Variants in ITGB5 observed in about 807,000 individuals in gnomAD.
ITGB5 encodes the protein integrin subunit beta 5, also known as integrin beta-5.
In ITGB5, 38 loss-of-function variants were observed where a neutral mutation model predicts 84.8. The observed-to-expected ratio is 0.45, with a 90% CI of 0.35 to 0.59. ITGB5 has a LOEUF of 0.59. Ranked by LOEUF, ITGB5 falls within the 20% of genes least tolerant of loss-of-function variation. The probability of loss-of-function intolerance (pLI) is 0.01; values close to 1 mark genes in which losing one functional copy is unlikely to be tolerated. For synonymous variants in ITGB5, 393 were observed against 414.4 expected (o/e 0.95, Z 0.63); for missense variants, 905 against 1,034.5 (o/e 0.87, Z 1.72).
chr3:124,800,550 C>A (rs1327177534), intron 9 of ITGB5, among the ~76,000 whole-genome samples: 1 of 152,062 alleles, frequency 6.6e-6, no homozygotes, highest in Non-Finnish European at 1.5e-5. Flanking sequence ...CCCAGCCAAG[C>A]CTTCGGTCCA....
intron 9 of ITGB5, among the ~76,000 whole-genome samples, chr3:124,798,216 C>T (rs1435950987): frequency 6.6e-6 from 1 of 151,816 alleles, no homozygotes; most frequent in African/African-American, 2.4e-5. Context: ...CCACACGCAG[C>T]TAATTTTTGT....
Position 124,817,708 on chromosome 3 carries a change from A to T in ITGB5, c.1041T>A (p.Asn347Lys). 1 of 1,573,564 alleles carries T rather than the reference A, an allele frequency of 6.4e-7. No homozygotes were observed. The highest frequency in any genetic ancestry group is 8.7e-7 in the Non-Finnish European group (1 of 1,154,574). ...VTKNHYMLYK[N>K]FTALIPGTTV... ...TTGTTCCAGGTATCAGGGCTGTAAA[A>T]TTCTTGGGAAAAAAAGTAAAGAAAA... The change falls in exon 8 of 15, where the codon AAT (asparagine) becomes AAA (lysine). Residue 347 changes from asparagine (N) to lysine (K), a missense_variant and splice_region_variant. Transcript: ENST00000296181.
At chr3:124,834,002 G>A (rs2064893471) in intron 5 of ITGB5, among the ~76,000 whole-genome samples, 1 of 152,176 alleles carries the variant, frequency 6.6e-6, no homozygotes, top group East Asian at 1.9e-4. Flanking sequence ...CAAACAGACA[G>A]TGAAGCTGAA....
At chr3:124,890,218 T>C (rs1014617058), upstream of ITGB5, among the ~76,000 whole-genome samples, 111 of 144,896 alleles carry the variant, frequency 7.7e-4, no homozygotes, top group African/African-American at 2.6e-3. Context: ...TTTTTTTTTT[T>C]TTGGAGACGG....
intron 12 of ITGB5, 105 bp from the exon 13 acceptor site, chr3:124,766,450 G>A: frequency 1.4e-6 from 2 of 1,385,222 alleles, no homozygotes; most frequent in Non-Finnish European, 2.0e-6. Flanking sequence ...AAGGGCATGG[G>A]GGGTGTGGGC....
chr3:124,842,297 T>C lies in ITGB5; in HGVS notation c.612-746A>G, dbSNP rs1188809870. ...TTAATACCAAGCCTTTCTCCTGAAATATGGGGTGATCTCCTTTTCAGTCTC... is the reference window on the plus strand; with the variant it reads ...TTAATACCAAGCCTTTCTCCTGAAACATGGGGTGATCTCCTTTTCAGTCTC... On this transcript the variant is annotated intron_variant, in intron 4 of 14. Coordinates refer to ENST00000296181, the MANE Select transcript of ITGB5 (RefSeq NM_002213.5). Among the ~76,000 whole-genome samples the C allele has an allele frequency of 2.0e-5, 3 of 152,226 alleles. No individual in the cohort carries two copies. In the East Asian group the frequency reaches 5.8e-4, roughly 29 times the overall value.
chr3:124,867,476 A>G (rs2065409397), intron 2 of ITGB5, among the ~76,000 whole-genome samples: 1 of 151,902 alleles, frequency 6.6e-6, no homozygotes, highest in Admixed American at 6.6e-5. Flanking sequence ...GCTTTCCCCA[A>G]CCCTGCTTTC....
intron 9 of ITGB5, among the ~76,000 whole-genome samples, chr3:124,800,866 G>A (rs1306663773): frequency 1.3e-5 from 2 of 152,164 alleles, no homozygotes; most frequent in African/African-American, 2.4e-5. Context: ...CCCAGTTCCT[G>A]GACACTTTCC....
At chr3:124,783,180 A>T (rs2064029661) in intron 10 of ITGB5, among the ~76,000 whole-genome samples, 1 of 149,994 alleles carries the variant, frequency 6.7e-6, no homozygotes, top group South Asian at 2.1e-4. Context: ...AATTCCAGCT[A>T]CTCCAGAGGC....
chr3:124,819,542 C>A (rs2064664786), intron 7 of ITGB5, among the ~76,000 whole-genome samples, 197 bp downstream of exon 7: 2 of 152,140 alleles, frequency 1.3e-5, no homozygotes, highest in Admixed American at 1.3e-4. Flanking sequence ...AAATTAGATA[C>A]TATATGTTCA....
chr3:124,791,781 CACA>C (rs1293428351), intron 10 of ITGB5: 3 of 152,278 alleles, frequency 2.0e-5, no homozygotes, highest in Middle Eastern at 3.4e-3. Context: ...GCTTCTCTGC[CACA>C]ACAACTCCAG....
intron 8 of ITGB5, among the ~76,000 whole-genome samples, chr3:124,815,531 T>C (rs914608408): frequency 4.6e-5 from 7 of 152,340 alleles, no homozygotes; most frequent in African/African-American, 1.7e-4. Context: ...CCTCCCTGCC[T>C]GTGAGAGTGG....
rs1559919648 is a variant in ITGB5, at chr3:124,766,254, C to T, written c.2109G>A (p.Lys703=). 5 of 1,614,090 alleles carry T rather than the reference C, an allele frequency of 3.1e-6. No individual in the cohort carries two copies. Among genetic ancestry groups the T allele is most frequent in the Middle Eastern group, 1.7e-4 (1 of 6,048 alleles). ...GCTCCCTGAGGACGGTCAGGTTGGA[C>T]TTCCCACTGGGGAGCTCCACATAGG... ...MFTYVELPSG[K]SNLTVLREPE... is the part of the protein sequence containing the mutation. The change falls in exon 13 of 15, where the codon AAG becomes AAA. Residue 703 remains lysine (K), a synonymous_variant. Transcript: ENST00000296181.
In ITGB5 at chr3:124,887,065, G is replaced by C; in HGVS notation, c.-65C>G. 1.3e-6 allele frequency: 1 copy of C among 742,830 alleles called. No homozygotes were observed. Among genetic ancestry groups the C allele is most frequent in the Non-Finnish European group, 1.6e-6 (1 of 606,226 alleles). 46.0% of individuals were successfully genotyped at this position (742,830 alleles called of 1,614,324 possible). ...TCCGCGGGGGCCGGCGGCCGGGGCT[G>C]GGGCCGGAGCGCGGGGGCCGAGGGC... On this transcript the variant is annotated 5_prime_UTR_variant, in exon 1 of 15. Coordinates refer to ENST00000296181, the MANE Select transcript of ITGB5 (RefSeq NM_002213.5).
intron 1 of ITGB5, among the ~76,000 whole-genome samples, chr3:124,886,317 T>A (rs1251073268): frequency 9.9e-6 from 1 of 100,992 alleles, no homozygotes; most frequent in East Asian, 3.2e-4. Flanking sequence ...GGGTTTGCGG[T>A]GGCCTAGGCG....
chr3:124,864,007 A>C (rs2065343762), intron 2 of ITGB5, among the ~76,000 whole-genome samples: 1 of 147,130 alleles, frequency 6.8e-6, no homozygotes, highest in South Asian at 2.2e-4. Context: ...AAAGAGAGAG[A>C]GAGGAGAAAG....
chr3:124,798,863 G>A (rs913907502), intron 9 of ITGB5, among the ~76,000 whole-genome samples: 1 of 152,220 alleles, frequency 6.6e-6, no homozygotes, highest in Non-Finnish European at 1.5e-5. Flanking sequence ...AGAGGGGAGA[G>A]GGTATGGGAC....
chr3:124,825,114 G>A (rs529210177), intron 5 of ITGB5, among the ~76,000 whole-genome samples: 11 of 151,412 alleles, frequency 7.3e-5, no homozygotes, highest in Admixed American at 3.3e-4. Context: ...GGAGAATGGC[G>A]TGAACCTGGG....
At chr3:124,769,393 T>C in intron 11 of ITGB5, 1 of 366,212 alleles carries the variant, frequency 2.7e-6, no homozygotes, top group South Asian at 3.8e-5. Flanking sequence ...CCATCTGCAC[T>C]CTGGTCCATC....
Sources: gnomAD v4.1 joint callset for allele counts (sites outside exome capture counted in the v4.1 genomes callset) on GRCh38, gnomAD v4.1.1 for gene constraint, MANE v1.5 for transcripts, NCBI Gene and HGNC (gene_info 2026-07-23, HGNC 2026-07-21) for gene names.